ASPM: variants seen among roughly 807,000 people sequenced by gnomAD.
The protein encoded by ASPM is abnormal spindle-like microcephaly-associated protein.
A neutral mutation model predicts 366.4 loss-of-function variants in ASPM; 256 were observed. The observed-to-expected ratio is 0.70, with a 90% CI of 0.63 to 0.77. The LOEUF is 0.77. ASPM is among the 30% of genes least tolerant of loss of function. ASPM has a pLI of 0.00. For missense variants in ASPM, 4,146 were observed against 4,090.4 expected, an observed-to-expected ratio of 1.01 and a Z score of -0.37; for synonymous variants, 1,414 against 1,342.9, an observed-to-expected ratio of 1.05 and a Z score of -1.16.
intron 10 of ASPM, 92 bp from the exon 11 acceptor site, chr1:197,125,283 C>A: frequency 1.4e-6 from 2 of 1,447,036 alleles, no homozygotes; most frequent in East Asian, 2.3e-5. Flanking sequence ...ACATAAATCC[C>A]AACAGTTACA....
chr1:197,089,196 C>T (rs1252335091), intron 25 of ASPM, among the ~76,000 whole-genome samples: 2 of 151,872 alleles, frequency 1.3e-5, no homozygotes, highest in African/African-American at 4.8e-5. Context: ...AGCAGTTTGG[C>T]CTCAGATCTG....
intron 9 of ASPM, 135 bp from the exon 10 acceptor site, chr1:197,128,800 C>G (rs1658173158): frequency 1.4e-6 from 1 of 740,240 alleles, no homozygotes; most frequent in Admixed American, 3.2e-5. Context: ...ATTAATAATG[C>G]AAACTTCATA....
chr1:197,118,586 A>G (rs1482399981), intron 16 of ASPM, among the ~76,000 whole-genome samples: 1 of 152,098 alleles, frequency 6.6e-6, no homozygotes, highest in Admixed American at 6.6e-5. Flanking sequence ...AATACCCCCC[A>G]TATCTCTACT....
At chr1:197,089,849 A>G (rs1396129038) in intron 25 of ASPM, 81 bp downstream of exon 25, 1 of 1,318,712 alleles carries the variant, frequency 7.6e-7, no homozygotes, top group Non-Finnish European at 1.1e-6. Context: ...TTTAAGCCCT[A>G]GTGATGAGTA....
chr1:197,104,974 A>G lies in ASPM; in HGVS notation c.4277T>C (p.Ile1426Thr), dbSNP rs1354006423. Residue 1426 changes from isoleucine to threonine, a missense_variant, in exon 18 of 28, where the codon ATA (isoleucine) becomes ACA (threonine). Ile to Thr is a moderately conservative substitution (Grantham distance 89). This residue lies in a region of ASPM where 3,624 missense variants were observed against 3,591.7 expected (regional missense o/e 1.01). Transcript: ENST00000367409. The part of the protein sequence containing the change: ...RYEMLKSSTL[I>T]IQSMFRKWKQ... ...CCATTTTCTGAACATAGATTGGATT[A>G]TAAGAGTTGATGATTTTAGCATTTC... is the stretch of plus-strand genomic sequence containing the variant. The G allele has an allele frequency of 1.2e-6, 2 of 1,611,868 alleles. No individual in the cohort carries two copies. Among genetic ancestry groups the G allele is most frequent in the South Asian group, 1.1e-5 (1 of 90,824 alleles).
chr1:197,086,688 T>C (rs956388223), intron 27 of ASPM, 115 bp downstream of exon 27: 2 of 885,916 alleles, frequency 2.3e-6, no homozygotes, highest in Non-Finnish European at 3.7e-6. Context: ...TTCTTATTCA[T>C]ATGTTGTTTC....
intron 27 of ASPM, 42 bp downstream of exon 27, chr1:197,086,761 T>C: frequency 6.6e-7 from 1 of 1,504,832 alleles, no homozygotes; most frequent in Non-Finnish European, 9.2e-7. Context: ...AATGAATGAA[T>C]GAACAGTGAC....
intron 9 of ASPM, among the ~76,000 whole-genome samples, 165 bp downstream of exon 9, chr1:197,129,022 T>A (rs973717838): frequency 5.9e-5 from 9 of 152,170 alleles, no homozygotes; most frequent in Non-Finnish European, 1.3e-4. Flanking sequence ...CGAGGGATGG[T>A]TAGAATTACT....
intron 17 of ASPM, among the ~76,000 whole-genome samples, chr1:197,111,208 T>C (rs1028506699): frequency 1.3e-5 from 2 of 151,982 alleles, no homozygotes; most frequent in Non-Finnish European, 2.9e-5. Flanking sequence ...GGTCTAATAT[T>C]CAGTATCTAT....
chr1:197,145,289 A>T (rs892770486), intron 1 of ASPM, among the ~76,000 whole-genome samples: 5 of 152,204 alleles, frequency 3.3e-5, no homozygotes, highest in African/African-American at 1.2e-4. Flanking sequence ...GGTGAAGGGG[A>T]TTGGAGCATT....
chr1:197,084,955 AAC>A (rs1178333467), intron 27 of ASPM, among the ~76,000 whole-genome samples: 1 of 152,078 alleles, frequency 6.6e-6, no homozygotes. Context: ...CATATGCTCT[AAC>A]ACAGTCATTG....
chr1:197,130,997 G>A (rs1216811305), intron 7 of ASPM, among the ~76,000 whole-genome samples: 1 of 152,124 alleles, frequency 6.6e-6, no homozygotes, highest in Non-Finnish European at 1.5e-5. Context: ...CCCAAATATG[G>A]GGGGCTCTAT....
chr1:197,143,872 A>G, intron 2 of ASPM, 62 bp from the exon 3 acceptor site: 1 of 1,561,428 alleles, frequency 6.4e-7, no homozygotes, highest in Non-Finnish European at 8.8e-7. Flanking sequence ...AATAAGCAAT[A>G]TTACTTCAAG....
Position 197,088,404 on chromosome 1 carries a change from T to A in ASPM, c.10013A>T (p.Asp3338Val), listed in dbSNP as rs1390576128. 1.2e-6 allele frequency: 2 copies of A among 1,607,628 alleles called. No homozygotes were observed. Among genetic ancestry groups the A allele is most frequent in the Admixed American group, 3.3e-5 (2 of 59,938 alleles). The change falls in exon 26 of 28, where the codon GAT becomes GTT. Residue 3338 changes from aspartate to valine, a missense_variant. By Grantham distance (152) the Asp-to-Val change is radical. Transcript: ENST00000367409. The part of the protein sequence containing the change: ...KYEKTTSAVY[D>V]VENCIDILLE... ...TAGTATATCTATACAATTTTCTACA[T>A]CATAAACTGCTGAAGTAGTTTTCTC... is the stretch of plus-strand genomic sequence containing the variant.
rs112683881 is a variant in ASPM at position 197,096,449 on chromosome 1, CAT to C, written c.8821-287_8821-286del. Among the ~76,000 whole-genome samples the C allele has an allele frequency of 8.7e-3, 1,326 of 151,900 alleles. 16 individuals are homozygous for C. Among genetic ancestry groups the C allele is most frequent in the African/African-American group, 0.028 (1,165 of 41,492 alleles). On this transcript the variant is annotated intron_variant, in intron 18 of 27. Coordinates refer to ENST00000367409, the MANE Select transcript of ASPM (RefSeq NM_018136.5). ...CAGTATTTATAAATTGTAAGACACA[CAT>C]GTCTGAAAAGCCCCACATTATGTAA...
At position 197,103,918 on chromosome 1, in the gene ASPM, A is replaced by G. The variant is rs777352982; in HGVS notation, c.5333T>C (p.Ile1778Thr). Reference sequence around the variant, plus strand: ...ATGATAGTAATTCTGAATGACAATAATTGCTTTATACATTTTCAGATAATA... The same window carrying G: ...ATGATAGTAATTCTGAATGACAATAGTTGCTTTATACATTTTCAGATAATA... ...RQYYLKMYKA[I>T]IVIQNYYHAY... The change falls in exon 18 of 28, where the codon ATT becomes ACT. Residue 1778 changes from isoleucine to threonine, a missense_variant. By Grantham distance (89) the Ile-to-Thr change is moderately conservative. Around this residue, in one of 3 missense-constraint regions of ASPM, gnomAD observed 3,624 missense variants for 3,591.7 expected, o/e 1.01. Transcript: ENST00000367409. 3.3e-5 allele frequency: 53 copies of G among 1,612,660 alleles called. No homozygotes were observed. In the African/African-American group the frequency reaches 4.3e-4, roughly 13 times the overall value.
chr1:197,094,420 C>G (rs1415569219), intron 19 of ASPM, among the ~76,000 whole-genome samples: 3 of 151,624 alleles, frequency 2.0e-5, no homozygotes, highest in Non-Finnish European at 4.4e-5. Flanking sequence ...TGAAGTTCTA[C>G]GATTCTAATA....
chr1:197,114,020 A>C (rs1657667107), intron 17 of ASPM, among the ~76,000 whole-genome samples: 1 of 79,374 alleles, frequency 1.3e-5, no homozygotes, highest in Non-Finnish European at 3.3e-5. Flanking sequence ...ACTTTAAAAA[A>C]CTCTTGGATA....
chr1:197,135,167 T>C lies in ASPM; in HGVS notation c.2102A>G (p.Gln701Arg). The change falls in exon 5 of 28, where the codon CAG becomes CGG. Residue 701 changes from glutamine to arginine, a missense_variant. Physicochemically the swap from Gln to Arg is conservative, Grantham distance 43. This residue lies in a region of ASPM where 3,624 missense variants were observed against 3,591.7 expected (regional missense o/e 1.01). Coordinates refer to ENST00000367409, the MANE Select transcript of ASPM (RefSeq NM_018136.5). ...YDERWKEKQE[Q>R]GFTWWLNFIL... ...AAAATTTAACCACCAAGTGAAGCCC[T>C]GTTCCTGCTTTTCCTTCCAGCGTTC... 1 of 1,613,632 alleles carries C rather than the reference T, an allele frequency of 6.2e-7. No homozygotes were observed. Among genetic ancestry groups the C allele is most frequent in the Non-Finnish European group, 8.5e-7 (1 of 1,179,560 alleles).
Sources: allele counts gnomAD v4.1 joint callset (sites outside exome capture counted in the v4.1 genomes callset), GRCh38; gene constraint gnomAD v4.1.1; regional missense constraint gnomAD v4.1.1; transcripts MANE v1.5; gene names NCBI Gene and HGNC (gene_info 2026-07-23, HGNC 2026-07-21).